The following FBXO16 variants were observed in gnomAD, a reference collection of about 807,000 sequenced individuals.
The protein encoded by FBXO16 is F-box only protein 16.
In FBXO16, 31 loss-of-function variants were observed where a neutral mutation model predicts 41.0. The observed-to-expected ratio is 0.76, with a 90% confidence interval of 0.57 to 1.02. The LOEUF is 1.02. FBXO16 is among the 50% of genes least tolerant of loss of function. FBXO16 has a pLI of 0.00. For synonymous variants in FBXO16, 133 were observed against 117.8 expected (o/e 1.13, Z -0.84); for missense variants, 361 against 346.2 (o/e 1.04, Z -0.34).
chr8:28,477,083 T>C (rs1331329804), intron 2 of FBXO16, among the ~76,000 whole-genome samples: 1 of 150,480 alleles, frequency 6.6e-6, no homozygotes, highest in Non-Finnish European at 1.5e-5. Context: ...TAATCTGTTA[T>C]ATATGCCTAT....
rs185497479 is a variant in FBXO16, at chr8:28,439,806, A to C, written c.843+7365T>G. Reference sequence around the variant, plus strand: ...CCCAACACCTGAGAAGTGCATCAGAATTTGATAAGAAGTATATCAAAGATT... The same window carrying C: ...CCCAACACCTGAGAAGTGCATCAGACTTTGATAAGAAGTATATCAAAGATT... On this transcript the variant is annotated intron_variant, in intron 7 of 8. Coordinates refer to ENST00000380254, the MANE Select transcript of FBXO16 (RefSeq NM_172366.4). Among the ~76,000 whole-genome samples the C allele has an allele frequency of 1.5e-3, 224 of 152,150 alleles. 1 individual carries two copies. Among genetic ancestry groups the C allele is most frequent in the African/African-American group, 5.1e-3 (213 of 41,546 alleles).
At chr8:28,447,815 G>A (rs909305977) in intron 6 of FBXO16, among the ~76,000 whole-genome samples, 7 of 152,046 alleles carry the variant, frequency 4.6e-5, no homozygotes, top group South Asian at 2.1e-4. Flanking sequence ...TTAGCCAGGC[G>A]TGGTGGCACA....
At chr8:28,474,883 AC>A (rs1300727748) in intron 2 of FBXO16, among the ~76,000 whole-genome samples, 2 of 152,238 alleles carry the variant, frequency 1.3e-5, no homozygotes, top group Non-Finnish European at 2.9e-5. Flanking sequence ...GAGTATCTTT[AC>A]ATATTGGTGT....
At chr8:28,466,891 T>A (rs77659165) in intron 3 of FBXO16, among the ~76,000 whole-genome samples, 1 of 152,142 alleles carries the variant, frequency 6.6e-6, no homozygotes, top group African/African-American at 2.4e-5. Context: ...GGATCTCCTG[T>A]TTTCCTTGAA....
chr8:28,479,060 G>A (rs1481815936), intron 2 of FBXO16, among the ~76,000 whole-genome samples: 3 of 152,094 alleles, frequency 2.0e-5, no homozygotes, highest in Non-Finnish European at 2.9e-5. Flanking sequence ...CTGCCACGAT[G>A]GAAAGCTCCT....
chr8:28,473,722 G>T, intron 3 of FBXO16, 50 bp downstream of exon 3: 1 of 1,485,890 alleles, frequency 6.7e-7, no homozygotes, highest in Non-Finnish European at 9.3e-7. Flanking sequence ...CCTGAAAGAT[G>T]AAAACAGATA....
chr8:28,433,643 T>C (rs548444051), intron 7 of FBXO16, among the ~76,000 whole-genome samples: 2 of 152,340 alleles, frequency 1.3e-5, no homozygotes, highest in East Asian at 1.9e-4. Context: ...TCCCTAGGGC[T>C]AGTTCAGTGC....
intron 7 of FBXO16, among the ~76,000 whole-genome samples, chr8:28,432,279 G>C (rs1032157253): frequency 6.6e-6 from 1 of 151,962 alleles, no homozygotes. Flanking sequence ...TTCGAGACCA[G>C]CCTGGCCAAC....
chr8:28,488,273 T>A (rs1803634491), intron 1 of FBXO16, among the ~76,000 whole-genome samples: 1 of 151,092 alleles, frequency 6.6e-6, no homozygotes. Flanking sequence ...GCCACATACT[T>A]CCAATTTGAT....
rs541993578 is a variant in FBXO16 at position 28,452,864 on chromosome 8, C to A, written c.508-388G>T. Reference sequence around the variant, plus strand: ...CCACACACTATAATAATAATAACAACAACAAAACAAAGAATATATTGATGT... The same window carrying A: ...CCACACACTATAATAATAATAACAAAAACAAAACAAAGAATATATTGATGT... On this transcript the variant is annotated intron_variant, in intron 5 of 8. Coordinates refer to ENST00000380254, the MANE Select transcript of FBXO16 (RefSeq NM_172366.4). Among the ~76,000 whole-genome samples the A allele has an allele frequency of 4.0e-5, 6 of 151,314 alleles. No individual in the cohort carries two copies. The East Asian group carries it at 1.2e-3, about 29-fold the overall frequency.
intron 7 of FBXO16, among the ~76,000 whole-genome samples, chr8:28,439,094 CAA>C (rs57234757): frequency 0.64 from 78,949 of 123,286 alleles, 22,721 homozygotes; most frequent in East Asian, 0.8. Context: ...GAACCTGTCT[CAA>C]AAAAAAAAAA....
chr8:28,439,973 GATT>G (rs1802743296), intron 7 of FBXO16, among the ~76,000 whole-genome samples: 1 of 83,752 alleles, frequency 1.2e-5, no homozygotes, highest in East Asian at 6.0e-4. Context: ...GAATGTAACG[GATT>G]TTTTTTTTTT....
Position 28,463,745 on chromosome 8 carries a change from T to G in FBXO16, c.209A>C (p.Gln70Pro). The G allele has an allele frequency of 6.2e-7, 1 of 1,614,228 alleles. No homozygotes were observed. Among genetic ancestry groups the G allele is most frequent in the Non-Finnish European group, 8.5e-7 (1 of 1,180,028 alleles). ...TTGAAGCTTTCGACAGCAGAACTTT[T>G]GCTGGGACAGCGAGCAGCGCTCCAA... ...GLLERCSLSQ[Q>P]KFCCRKLQEK... Residue 70 changes from glutamine (Q) to proline (P), a missense_variant, in exon 4 of 9, where the codon CAA (glutamine) becomes CCA (proline). Coordinates refer to ENST00000380254, the MANE Select transcript of FBXO16 (RefSeq NM_172366.4).
At chr8:28,478,485 CA>C (rs1340941909) in intron 2 of FBXO16, among the ~76,000 whole-genome samples, 1 of 152,068 alleles carries the variant, frequency 6.6e-6, no homozygotes, top group Non-Finnish European at 1.5e-5. Context: ...CAATGTAAGA[CA>C]AATGTTGGGG....
chr8:28,475,674 G>C (rs1803412502), intron 2 of FBXO16, among the ~76,000 whole-genome samples: 1 of 152,130 alleles, frequency 6.6e-6, no homozygotes, highest in African/African-American at 2.4e-5. Flanking sequence ...TACAGTGTTT[G>C]TTTTGCTCTC....
At chr8:28,433,065 A>G (rs1179034302) in intron 7 of FBXO16, among the ~76,000 whole-genome samples, 10 of 128,428 alleles carry the variant, frequency 7.8e-5, no homozygotes, top group Admixed American at 3.7e-4. Context: ...CGTCCAAAAA[A>G]AAAAAAAACA....
chr8:28,453,566 G>A (rs1585902604), intron 5 of FBXO16, among the ~76,000 whole-genome samples: 1 of 151,886 alleles, frequency 6.6e-6, no homozygotes, highest in African/African-American at 2.4e-5. Context: ...GGTATGTTGA[G>A]AAGCCATTAA....
chr8:28,455,402 A>G (rs756405792), intron 5 of FBXO16, among the ~76,000 whole-genome samples: 9 of 152,068 alleles, frequency 5.9e-5, no homozygotes, highest in Non-Finnish European at 1.3e-4. Context: ...GCACCCAGCT[A>G]ATTTTTAAAT....
At chr8:28,444,476 C>G (rs1395993801) in intron 7 of FBXO16, among the ~76,000 whole-genome samples, 1 of 131,312 alleles carries the variant, frequency 7.6e-6, no homozygotes, top group Non-Finnish European at 1.5e-5. Flanking sequence ...CTAATTTTTT[C>G]TTTTCTTTTT....
Sources: gnomAD v4.1 joint callset for allele counts (sites outside exome capture counted in the v4.1 genomes callset) on GRCh38, gnomAD v4.1.1 for gene constraint, MANE v1.5 for transcripts, NCBI Gene and HGNC (gene_info 2026-07-23, HGNC 2026-07-21) for gene names.